Variants in HS6ST3 observed in about 807,000 individuals in gnomAD.
HS6ST3 encodes heparan sulfate 6-O-sulfotransferase 3, also known as heparan-sulfate 6-O-sulfotransferase 3.
HS6ST3 carries 12 observed loss-of-function variants against 36.7 expected under a neutral mutation model. That is an observed-to-expected ratio of 0.33 (90% CI 0.21 to 0.53). The LOEUF is 0.53. Among genes scored for constraint, HS6ST3 ranks in the 20% least tolerant of loss-of-function variants. The pLI, the probability that HS6ST3 is intolerant of heterozygous loss-of-function variation, is 0.95. For missense variants in HS6ST3, 584 were observed against 640.9 expected (o/e 0.91, Z 0.96); for synonymous variants, 240 against 257.5 (o/e 0.93, Z 0.65).
At chr13:96,432,838 C>T in intron 1 of HS6ST3, among the ~76,000 whole-genome samples, 1 of 152,160 alleles carries the variant, frequency 6.6e-6, no homozygotes, top group East Asian at 1.9e-4. Context: ...TGTGGCTTGA[C>T]ATTCTAAATG....
intron 1 of HS6ST3, among the ~76,000 whole-genome samples, chr13:96,110,026 G>A (rs1654338454): frequency 6.6e-6 from 1 of 152,200 alleles, no homozygotes; most frequent in South Asian, 2.1e-4. Flanking sequence ...AGCCAGAGTG[G>A]GAGAGGCTTC....
chr13:96,692,457 A>G (rs185347842), intron 1 of HS6ST3, among the ~76,000 whole-genome samples: 66 of 152,292 alleles, frequency 4.3e-4, no homozygotes, highest in African/African-American at 1.5e-3. Flanking sequence ...GGTTGAATCT[A>G]TGAATGTGAA....
At chr13:96,510,037 T>C (rs951001164) in intron 1 of HS6ST3, among the ~76,000 whole-genome samples, 7 of 152,148 alleles carry the variant, frequency 4.6e-5, no homozygotes, top group African/African-American at 1.7e-4. Context: ...GTTTTGTGGT[T>C]CTCCGTGTAG....
At chr13:96,448,903 G>A (rs1485935988) in intron 1 of HS6ST3, among the ~76,000 whole-genome samples, 2 of 151,858 alleles carry the variant, frequency 1.3e-5, no homozygotes, top group African/African-American at 2.4e-5. Context: ...TTTTGGATGG[G>A]GCATAGTTTT....
intron 1 of HS6ST3, among the ~76,000 whole-genome samples, chr13:96,361,416 C>T (rs1368879100): frequency 6.6e-6 from 1 of 152,142 alleles, no homozygotes; most frequent in Non-Finnish European, 1.5e-5. Context: ...TTTTAAAAGA[C>T]TAATTTAAAA....
At chr13:96,514,075 G>A (rs897434657) in intron 1 of HS6ST3, among the ~76,000 whole-genome samples, 14 of 152,154 alleles carry the variant, frequency 9.2e-5, no homozygotes, top group Non-Finnish European at 1.5e-4. Flanking sequence ...CAGTAGGGAT[G>A]TGAGTAGGGA....
chr13:96,691,701 A>G (rs1372340723), intron 1 of HS6ST3, among the ~76,000 whole-genome samples: 1 of 151,520 alleles, frequency 6.6e-6, no homozygotes, highest in African/African-American at 2.4e-5. Context: ...AACAACCTGA[A>G]CACTCACTCA....
intron 1 of HS6ST3, among the ~76,000 whole-genome samples, chr13:96,413,616 A>C (rs2055519063): frequency 6.6e-6 from 1 of 152,224 alleles, no homozygotes; most frequent in Admixed American, 6.5e-5. Flanking sequence ...TATTGACTAC[A>C]TGTTTTGTTT....
intron 1 of HS6ST3, among the ~76,000 whole-genome samples, chr13:96,181,388 C>T (rs1301138937): frequency 2.0e-5 from 3 of 152,190 alleles, no homozygotes; most frequent in Admixed American, 6.6e-5. Context: ...GCTATTGCGT[C>T]GTGCTCTTAA....
intron 1 of HS6ST3, among the ~76,000 whole-genome samples, chr13:96,252,987 G>A (rs893999721): frequency 1.3e-5 from 2 of 152,088 alleles, no homozygotes; most frequent in African/African-American, 2.4e-5. Context: ...CCAGTCTCAG[G>A]TATTTCTTTA....
chr13:96,637,644 A>C (rs1451845104), intron 1 of HS6ST3, among the ~76,000 whole-genome samples: 1 of 152,112 alleles, frequency 6.6e-6, no homozygotes, highest in African/African-American at 2.4e-5. Flanking sequence ...TAATTGGCTC[A>C]ACAAATATTT....
intron 1 of HS6ST3, among the ~76,000 whole-genome samples, chr13:96,476,684 A>T (rs558200480): frequency 6.6e-6 from 1 of 152,224 alleles, no homozygotes; most frequent in East Asian, 1.9e-4. Context: ...ACCTGCAGTG[A>T]CATTAGATCT....
In HS6ST3 at chr13:96,751,921, G is replaced by A. The variant is rs77526814; in HGVS notation, c.708-80569G>A. Among the ~76,000 whole-genome samples, 1,198 of 150,960 alleles carry A rather than the reference G, an allele frequency of 7.9e-3. 11 individuals are homozygous for A. Among genetic ancestry groups the A allele is most frequent in the African/African-American group, 0.028 (1,150 of 41,208 alleles). On this transcript the variant is annotated intron_variant, in intron 1 of 1. Transcript: ENST00000376705. ...ACTATATATATAAAATCATATGAAAGTTATACAAATAATTTAAAAGCTAAG... is the reference window on the plus strand; with the variant it reads ...ACTATATATATAAAATCATATGAAAATTATACAAATAATTTAAAAGCTAAG...
chr13:96,254,448 AATATATATAT>A lies in HS6ST3; in HGVS notation c.707+162921_707+162930del, dbSNP rs869064004. 9.4e-3 allele frequency among the ~76,000 whole-genome samples: 154 copies of A among 16,444 alleles called. 2 individuals carry two copies. The highest frequency in any genetic ancestry group is 0.015 in the African/African-American group (68 of 4,582). 10.8% of individuals were successfully genotyped at this position (16,444 alleles called of 152,430 possible). A position where few individuals can be genotyped will look rare whatever the true frequency, so the allele number is the denominator to read the frequency against. On this transcript the variant is annotated intron_variant, in intron 1 of 1. Coordinates refer to ENST00000376705, the MANE Select transcript of HS6ST3 (RefSeq NM_153456.4). ...AAAAAAAAAAAAAAAAAAAAAAAAA[AATATATATAT>A]ATATATATATATATATATATATATA... is the stretch of plus-strand genomic sequence containing the variant.
intron 1 of HS6ST3, among the ~76,000 whole-genome samples, chr13:96,588,342 A>G (rs1414337228): frequency 6.6e-6 from 1 of 152,146 alleles, no homozygotes; most frequent in South Asian, 2.1e-4. Flanking sequence ...AAGTGTTCCT[A>G]TTGAGTATAA....
At chr13:96,447,822 C>T (rs760422034) in intron 1 of HS6ST3, among the ~76,000 whole-genome samples, 40 of 152,170 alleles carry the variant, frequency 2.6e-4, no homozygotes, top group Non-Finnish European at 4.1e-4. Flanking sequence ...TTTGGAGCCT[C>T]CCCTCCCTCT....
At chr13:96,510,497 T>C (rs1169834558) in intron 1 of HS6ST3, among the ~76,000 whole-genome samples, 3 of 152,158 alleles carry the variant, frequency 2.0e-5, no homozygotes, top group Non-Finnish European at 2.9e-5. Flanking sequence ...AATCCGATGA[T>C]GTGACCTGTC....
chr13:96,279,434 G>A (rs955715057), intron 1 of HS6ST3, among the ~76,000 whole-genome samples: 3 of 152,112 alleles, frequency 2.0e-5, no homozygotes, highest in African/African-American at 7.2e-5. Flanking sequence ...GAATATAGAC[G>A]TTAAACAAAT....
At chr13:96,232,097 A>G (rs2054511282) in intron 1 of HS6ST3, among the ~76,000 whole-genome samples, 2 of 152,208 alleles carry the variant, frequency 1.3e-5, no homozygotes, top group Non-Finnish European at 2.9e-5. Context: ...GGTACAGCAC[A>G]TAGCCTGGAG....
Sources: allele counts gnomAD v4.1 joint callset (sites outside exome capture counted in the v4.1 genomes callset), GRCh38; gene constraint gnomAD v4.1.1; transcripts MANE v1.5; gene names NCBI Gene and HGNC (gene_info 2026-07-23, HGNC 2026-07-21).